Variants in KIAA0753 observed in about 807,000 individuals in gnomAD.
KIAA0753 encodes the protein KIAA0753, also known as protein moonraker.
A neutral mutation model predicts 116.9 loss-of-function variants in KIAA0753; 114 were observed. The ratio of observed to expected loss-of-function variants is 0.98; its 90% CI spans 0.84 to 1.14. KIAA0753 has a LOEUF of 1.14. Among genes scored for constraint, KIAA0753 ranks in the 50% most tolerant of loss-of-function variants. The pLI, the probability that KIAA0753 is intolerant of heterozygous loss-of-function variation, is 0.00. For synonymous variants in KIAA0753, 405 were observed against 413.1 expected (o/e 0.98, Z 0.24); for missense variants, 1,156 against 1,172.4 (o/e 0.99, Z 0.20).
intron 17 of KIAA0753, 122 bp downstream of exon 17, chr17:6,590,388 T>C (rs1968906083): frequency 8.5e-7 from 1 of 1,172,896 alleles, no homozygotes; most frequent in South Asian, 1.5e-5. Context: ...TCTTGGAGTT[T>C]GGCAAGATCT....
Position 6,628,567 on chromosome 17 carries a change from A to C in KIAA0753, c.268T>G (p.Ser90Ala). The C allele has an allele frequency of 1.9e-6, 3 of 1,614,222 alleles. No individual in the cohort carries two copies. The highest frequency in any genetic ancestry group is 1.1e-5 in the South Asian group (1 of 91,088). Residue 90 changes from serine to alanine, a missense_variant, in exon 3 of 19, where the codon TCC becomes GCC. Ser to Ala is a moderately conservative substitution (Grantham distance 99). Coordinates refer to ENST00000361413, the MANE Select transcript of KIAA0753 (RefSeq NM_014804.3). The part of the protein sequence containing the change: ...GPDLGSSVSF[S>A]VISQERLSYA... Reference sequence around the variant, plus strand: ...CTAAGTCTCTCTTGGGATATGACGGAAAATGAAACAGAACTGCCCAGGTCA... The same window carrying C: ...CTAAGTCTCTCTTGGGATATGACGGCAAATGAAACAGAACTGCCCAGGTCA...
At position 6,579,367 on chromosome 17, in the gene KIAA0753, T is replaced by G; in HGVS notation, c.*380A>C. Reference sequence around the variant, plus strand: ...GTGTTGGTATCAATGCCAGCAAGGGTTCAACAGCAACCTGAATCCTTGTGT... The same window carrying G: ...GTGTTGGTATCAATGCCAGCAAGGGGTCAACAGCAACCTGAATCCTTGTGT... On this transcript the variant is annotated 3_prime_UTR_variant, in exon 19 of 19. Transcript: ENST00000361413. 1.2e-5 allele frequency: 2 copies of G among 172,212 alleles called. No homozygotes were observed. The highest frequency in any genetic ancestry group is 1.5e-4 in the East Asian group (1 of 6,530). The allele number at this position is 172,212 out of a possible 1,614,324, so 10.7% of individuals were successfully genotyped here.
intron 7 of KIAA0753, among the ~76,000 whole-genome samples, chr17:6,620,164 C>G (rs1252292276): frequency 1.3e-5 from 2 of 152,082 alleles, no homozygotes; most frequent in Non-Finnish European, 2.9e-5. Context: ...ACAACCCTCA[C>G]CAGGAATCAG....
Position 6,628,581 on chromosome 17 carries a change from C to A in KIAA0753, c.254G>T (p.Ser85Ile), listed in dbSNP as rs776421374. ...GGATATGACGGAAAATGAAACAGAA[C>A]TGCCCAGGTCAGGACCAACTCTACA... ...ADCRVGPDLG[S>I]SVSFSVISQE... The change falls in exon 3 of 19, where the codon AGT (serine) becomes ATT (isoleucine). Residue 85 changes from serine (S) to isoleucine (I), a missense_variant. Transcript: ENST00000361413. The A allele has an allele frequency of 6.2e-7, 1 of 1,614,084 alleles. No homozygotes were observed. The highest frequency in any genetic ancestry group is 1.3e-5 in the African/African-American group (1 of 74,936).
intron 1 of KIAA0753, chr17:6,636,161 C>T (rs1972309322): frequency 6.6e-6 from 1 of 152,012 alleles, no homozygotes; most frequent in Admixed American, 6.5e-5. Context: ...TTGAATAAAT[C>T]CAAAATTTGC....
At position 6,623,559 on chromosome 17, in the gene KIAA0753, G is replaced by C; in HGVS notation, c.838C>G (p.Gln280Glu). Reference protein sequence around the residue: ...YVLQQQVKEIQEELDKLSPHK... With the variant: ...YVLQQQVKEIEEELDKLSPHK... ...GGACTCAATTTATCCAATTCTTCCT[G>C]GATTTCTTTTACCTGTTTTGTAAAG... The change falls in exon 5 of 19, where the codon CAG becomes GAG. Residue 280 changes from glutamine to glutamate, a missense_variant. By Grantham distance (29) the Gln-to-Glu change is conservative (BLOSUM62 2). Transcript: ENST00000361413. The C allele has an allele frequency of 2.5e-6, 4 of 1,609,552 alleles. No homozygotes were observed. Among genetic ancestry groups the C allele is most frequent in the Non-Finnish European group, 3.4e-6 (4 of 1,177,900 alleles).
At chr17:6,614,912 C>T (rs996337694) in intron 7 of KIAA0753, among the ~76,000 whole-genome samples, 4 of 152,216 alleles carry the variant, frequency 2.6e-5, no homozygotes, top group African/African-American at 9.7e-5. Context: ...GATTCTCCTG[C>T]CTCAGCCTCC....
At chr17:6,606,784 C>T (rs1293038345) in intron 12 of KIAA0753, 89 bp downstream of exon 12, 2 of 919,368 alleles carry the variant, frequency 2.2e-6, no homozygotes, top group South Asian at 1.4e-5. Flanking sequence ...TGAAGTTAGG[C>T]CTTAACAGTC....
rs922353856 is a variant in KIAA0753 at position 6,622,801 on chromosome 17, T to G, written c.1104+81A>C. 76 of 1,200,056 alleles carry G rather than the reference T, an allele frequency of 6.3e-5. 1 individual carries two copies. In the Middle Eastern group the frequency reaches 1.4e-3, roughly 22 times the overall value. The allele number at this position is 1,200,056 out of a possible 1,614,324, so 74.3% of individuals were successfully genotyped here. A position where few individuals can be genotyped will look rare whatever the true frequency, so the allele number is the denominator to read the frequency against. ...TAGGTAATGGCTTTGTCTTGTATTC[T>G]CCATAAATCCTAACGAAACTAGGTA... On this transcript the variant is annotated intron_variant, in intron 6 of 18. Coordinates refer to ENST00000361413, the MANE Select transcript of KIAA0753 (RefSeq NM_014804.3).
At chr17:6,618,755 T>C (rs530240177) in intron 7 of KIAA0753, among the ~76,000 whole-genome samples, 20 of 152,254 alleles carry the variant, frequency 1.3e-4, no homozygotes, top group African/African-American at 2.2e-4. Context: ...TGGACTGATA[T>C]ATATAACTTT....
chr17:6,610,502 T>C (rs1970462971), intron 8 of KIAA0753, among the ~76,000 whole-genome samples: 1 of 147,782 alleles, frequency 6.8e-6, no homozygotes, highest in Non-Finnish European at 1.5e-5. Context: ...ATTTTTCTTT[T>C]TTCTTTTCTT....
chr17:6,628,307 G>A lies in KIAA0753; in HGVS notation c.528C>T (p.Tyr176=). The change falls in exon 3 of 19, where the codon TAC becomes TAT. Residue 176 remains tyrosine, a synonymous_variant. Coordinates refer to ENST00000361413, the MANE Select transcript of KIAA0753 (RefSeq NM_014804.3). Reference sequence around the variant, plus strand: ...GATCTGACTGGCCTGGATGAGATGAGTAAAGGTATACTTTGGCACCAGAGC... The same window carrying A: ...GATCTGACTGGCCTGGATGAGATGAATAAAGGTATACTTTGGCACCAGAGC... The part of the protein sequence containing the change: ...ISSSGAKVYL[Y]SSHPGQSDLT... The A allele has an allele frequency of 6.2e-7, 1 of 1,614,178 alleles. No homozygotes were observed. Among genetic ancestry groups the A allele is most frequent in the Non-Finnish European group, 8.5e-7 (1 of 1,180,032 alleles).
chr17:6,584,960 C>G lies in KIAA0753; in HGVS notation c.2786+4819G>C, dbSNP rs562869838. Among the ~76,000 whole-genome samples, 351 of 152,150 alleles carry G rather than the reference C, an allele frequency of 2.3e-3. 1 individual carries two copies. The highest frequency in any genetic ancestry group is 8.1e-3 in the African/African-American group (336 of 41,494). On this transcript the variant is annotated intron_variant, in intron 18 of 18. Coordinates refer to ENST00000361413, the MANE Select transcript of KIAA0753 (RefSeq NM_014804.3). ...GGGACTACAGGCATGTACCACCATG[C>G]CCAGCTAATTTTTTGTTTTTTGTAG...
chr17:6,614,568 C>CTATA (rs2150850866), intron 7 of KIAA0753, among the ~76,000 whole-genome samples: 1 of 151,724 alleles, frequency 6.6e-6, no homozygotes, highest in East Asian at 1.9e-4. Flanking sequence ...TAAAACAATA[C>CTATA]TATATATGAC....
rs1971488369 is a variant in KIAA0753, at chr17:6,623,856, G to A, written c.826-285C>T. 3.8e-5 allele frequency: 11 copies of A among 289,702 alleles called. No homozygotes were observed. In the South Asian group the frequency reaches 5.3e-4, roughly 14 times the overall value. The allele number at this position is 289,702 out of a possible 1,614,324, so 17.9% of individuals were successfully genotyped here. A position where few individuals can be genotyped will look rare whatever the true frequency, so the allele number is the denominator to read the frequency against. On this transcript the variant is annotated intron_variant, in intron 4 of 18. Transcript: ENST00000361413. ...GGAGGTGACTCTGGAAATGTAGGCGGGCCGGATCGTGAAGTCTTACATGCC... is the reference window on the plus strand; with the variant it reads ...GGAGGTGACTCTGGAAATGTAGGCGAGCCGGATCGTGAAGTCTTACATGCC...
At position 6,596,269 on chromosome 17, in the gene KIAA0753, G is replaced by A; in HGVS notation, c.2247C>T (p.Leu749=). The change falls in exon 15 of 19, where the codon CTC becomes CTT. Residue 749 remains leucine (L), a synonymous_variant. Coordinates refer to ENST00000361413, the MANE Select transcript of KIAA0753 (RefSeq NM_014804.3). ...AGATCTTAGCATGAGTCACAGCCCA[G>A]AGCTCACTGGCACAATCTTCCAAAA... ...DDFLEDCASE[L]WAVTHAKILG... 1 of 1,613,406 alleles carries A rather than the reference G, an allele frequency of 6.2e-7. No homozygotes were observed.
Position 6,579,550 on chromosome 17 carries a change from T to C in KIAA0753, c.*197A>G, listed in dbSNP as rs1438790952. ...CTGATAAGTGTGATACATTGCATCA[T>C]ACATTTCCAGAACCATTGCCATGAC... On this transcript the variant is annotated 3_prime_UTR_variant, in exon 19 of 19. Coordinates refer to ENST00000361413, the MANE Select transcript of KIAA0753 (RefSeq NM_014804.3). 3 of 581,040 alleles carry C rather than the reference T, an allele frequency of 5.2e-6. No homozygotes were observed. The highest frequency in any genetic ancestry group is 1.8e-5 in the African/African-American group (1 of 54,122). The allele number at this position is 581,040 out of a possible 1,614,324, so 36.0% of individuals were successfully genotyped here.
intron 9 of KIAA0753, among the ~76,000 whole-genome samples, chr17:6,608,749 C>T (rs9912456): frequency 0.52 from 79,498 of 152,014 alleles, 21,166 homozygotes; most frequent in East Asian, 0.72. Flanking sequence ...AAAACTCTGT[C>T]ACAATACATA....
chr17:6,621,302 G>A (rs1971308765), intron 6 of KIAA0753, among the ~76,000 whole-genome samples: 1 of 152,148 alleles, frequency 6.6e-6, no homozygotes, highest in Non-Finnish European at 1.5e-5. Context: ...ATAGTCTTCA[G>A]AATATTATCC....
Sources: allele counts gnomAD v4.1 joint callset (sites outside exome capture counted in the v4.1 genomes callset), GRCh38; gene constraint gnomAD v4.1.1; transcripts MANE v1.5; gene names NCBI Gene and HGNC (gene_info 2026-07-23, HGNC 2026-07-21).